The following TSPAN12 variants were observed in gnomAD, a reference collection of about 807,000 sequenced individuals.
The protein encoded by TSPAN12 is tetraspanin-12.
TSPAN12 carries 19 observed loss-of-function variants against 39.2 expected under a neutral mutation model. That is an observed-to-expected ratio of 0.49 (90% confidence interval 0.34 to 0.71). The LOEUF is 0.71. Ranked by LOEUF, TSPAN12 falls within the 30% of genes least tolerant of loss-of-function variation. The probability of loss-of-function intolerance (pLI) is 0.01; values close to 1 mark genes in which losing one functional copy is unlikely to be tolerated. For missense variants in TSPAN12, 314 were observed against 359.9 expected (o/e 0.87, Z 1.03); for synonymous variants, 119 against 124.8 (o/e 0.95, Z 0.31).
rs1161936482 is a variant in TSPAN12 at position 120,799,462 on chromosome 7, TTACATAATTATTTTTATAATTA to T, written c.612+7065_612+7086del. Among the ~76,000 whole-genome samples, 240 of 134,678 alleles carry T rather than the reference TTACATAATTATTTTTATAATTA, an allele frequency of 1.8e-3. 1 individual carries two copies. The highest frequency in any genetic ancestry group is 4.7e-3 in the African/African-American group (168 of 36,084). 88.4% of individuals were successfully genotyped at this position (134,678 alleles called of 152,430 possible). On this transcript the variant is annotated intron_variant, in intron 7 of 7. Coordinates refer to ENST00000222747, the MANE Select transcript of TSPAN12 (RefSeq NM_012338.4). ...ATAATTTAATTTATATATAATTTAA[TTACATAATTATTTTTATAATTA>T]TATATAATTATTTTTAATTAATTAA...
At chr7:120,852,903 A>G (rs1187951752) in intron 2 of TSPAN12, among the ~76,000 whole-genome samples, 1 of 152,192 alleles carries the variant, frequency 6.6e-6, no homozygotes, top group Non-Finnish European at 1.5e-5. Flanking sequence ...TTATGGGTCT[A>G]TTATGAGAAC....
chr7:120,834,313 C>A (rs1350963132), intron 4 of TSPAN12, among the ~76,000 whole-genome samples: 2 of 152,042 alleles, frequency 1.3e-5, no homozygotes, highest in East Asian at 3.9e-4. Flanking sequence ...TATTTGGGAA[C>A]CTTAAATTAG....
rs1281771270 is a variant in TSPAN12, at chr7:120,857,881, G to C, written c.-132C>G. On this transcript the variant is annotated 5_prime_UTR_variant, in exon 1 of 8. Coordinates refer to ENST00000222747, the MANE Select transcript of TSPAN12 (RefSeq NM_012338.4). ...GGATAGTCGGGGACGCACGGCGGGGGCTCATCGGGGCAGGGAACTTCTTCG... is the reference window on the plus strand; with the variant it reads ...GGATAGTCGGGGACGCACGGCGGGGCCTCATCGGGGCAGGGAACTTCTTCG... The C allele has an allele frequency of 6.6e-6, 1 of 152,330 alleles. No homozygotes were observed. Among genetic ancestry groups the C allele is most frequent in the African/African-American group, 2.4e-5 (1 of 41,446 alleles). 9.4% of individuals were successfully genotyped at this position (152,330 alleles called of 1,614,324 possible). A position where few individuals can be genotyped will look rare whatever the true frequency, so the allele number is the denominator to read the frequency against.
chr7:120,846,250 T>G (rs1401143071), intron 2 of TSPAN12, among the ~76,000 whole-genome samples: 1 of 152,222 alleles, frequency 6.6e-6, no homozygotes, highest in Non-Finnish European at 1.5e-5. Context: ...AACATGAGAT[T>G]TGGCAGGGAC....
At chr7:120,836,907 A>C (rs944799940) in intron 4 of TSPAN12, among the ~76,000 whole-genome samples, 14 of 152,314 alleles carry the variant, frequency 9.2e-5, no homozygotes, top group Non-Finnish European at 1.6e-4. Flanking sequence ...TGTGTTTCCA[A>C]AGCCTTTGTG....
intron 7 of TSPAN12, among the ~76,000 whole-genome samples, chr7:120,791,858 C>G (rs962306685): frequency 6.6e-6 from 1 of 152,082 alleles, no homozygotes; most frequent in Non-Finnish European, 1.5e-5. Flanking sequence ...CCTTGGAAGT[C>G]ATGAATTCAA....
intron 2 of TSPAN12, among the ~76,000 whole-genome samples, chr7:120,850,823 A>C (rs901567016): frequency 6.6e-6 from 1 of 151,584 alleles, no homozygotes; most frequent in African/African-American, 2.4e-5. Flanking sequence ...CCCAGTAGCT[A>C]GGATTACAGA....
At position 120,856,917 on chromosome 7, in the gene TSPAN12, C is replaced by T. The variant is rs116491151; in HGVS notation, c.-70-84G>A. On this transcript the variant is annotated intron_variant, in intron 1 of 7. Transcript: ENST00000222747. Reference sequence around the variant, plus strand: ...TGCCCGTCCCTCCTCCACCCGCCCTCAGCAGGGTCCAGAGGGTCCCGAGGC... The same window carrying T: ...TGCCCGTCCCTCCTCCACCCGCCCTTAGCAGGGTCCAGAGGGTCCCGAGGC... 6,286 of 779,682 alleles carry T rather than the reference C, an allele frequency of 8.1e-3. 282 individuals carry two copies. The African/African-American group carries it at 0.095, about 12-fold the overall frequency. 48.3% of individuals were successfully genotyped at this position (779,682 alleles called of 1,614,324 possible).
intron 4 of TSPAN12, among the ~76,000 whole-genome samples, chr7:120,833,669 G>A (rs533637414): frequency 2.8e-4 from 43 of 152,258 alleles, no homozygotes; most frequent in African/African-American, 7.7e-4. Flanking sequence ...GCACTTGACT[G>A]CTTGTGGTTT....
intron 2 of TSPAN12, among the ~76,000 whole-genome samples, chr7:120,851,387 T>C (rs1024313745): frequency 3.3e-5 from 5 of 152,202 alleles, no homozygotes; most frequent in Admixed American, 2.6e-4. Context: ...TCAGGGTAGT[T>C]CTTCTCTATT....
intron 3 of TSPAN12, 132 bp from the exon 4 acceptor site, chr7:120,839,044 G>T: frequency 1.1e-6 from 1 of 928,976 alleles, no homozygotes; most frequent in Non-Finnish European, 1.7e-6. Flanking sequence ...TGACTGCATT[G>T]TTATTTTCAA....
intron 7 of TSPAN12, among the ~76,000 whole-genome samples, chr7:120,798,715 C>T (rs1257312930): frequency 6.6e-6 from 1 of 152,136 alleles, no homozygotes; most frequent in Non-Finnish European, 1.5e-5. Context: ...TCCCTGCCTT[C>T]GGTATCCCTG....
At chr7:120,857,745 C>G (rs1203372605) in intron 1 of TSPAN12, 75 bp downstream of exon 1, 1 of 152,098 alleles carries the variant, frequency 6.6e-6, no homozygotes, top group Admixed American at 6.5e-5. Context: ...TAGTTTAGCA[C>G]ACAGCGCGGA....
At chr7:120,849,068 T>C (rs1209389401) in intron 2 of TSPAN12, among the ~76,000 whole-genome samples, 1 of 152,198 alleles carries the variant, frequency 6.6e-6, no homozygotes, top group Non-Finnish European at 1.5e-5. Context: ...ATTAGGAACA[T>C]TATAGTTATC....
At chr7:120,822,420 T>C (rs974904339) in intron 4 of TSPAN12, among the ~76,000 whole-genome samples, 1 of 151,428 alleles carries the variant, frequency 6.6e-6, no homozygotes, top group Non-Finnish European at 1.5e-5. Context: ...ACTAAAACAA[T>C]AGTAAAGGGA....
intron 7 of TSPAN12, among the ~76,000 whole-genome samples, chr7:120,789,734 A>G (rs889444128): frequency 3.9e-5 from 6 of 152,186 alleles, no homozygotes; most frequent in Admixed American, 3.9e-4. Context: ...GCAGCTCCAA[A>G]ATCATTAATA....
At chr7:120,812,680 T>G (rs150752313) in intron 5 of TSPAN12, among the ~76,000 whole-genome samples, 228 of 152,254 alleles carry the variant, frequency 1.5e-3, no homozygotes, top group African/African-American at 4.9e-3. Flanking sequence ...GCTAAACGGG[T>G]GTACTTTGTG....
chr7:120,806,507 G>T (rs759763893), intron 7 of TSPAN12, 42 bp downstream of exon 7: 8 of 1,604,754 alleles, frequency 5.0e-6, no homozygotes, highest in Non-Finnish European at 5.1e-6. Context: ...TTATTCCTAA[G>T]AAAACATTTA....
intron 7 of TSPAN12, among the ~76,000 whole-genome samples, chr7:120,793,311 G>T (rs1245543437): frequency 6.6e-6 from 1 of 152,190 alleles, no homozygotes; most frequent in Non-Finnish European, 1.5e-5. Flanking sequence ...AATGACTTTG[G>T]ATTCCAATGA....
Sources: allele counts gnomAD v4.1 joint callset (sites outside exome capture counted in the v4.1 genomes callset), GRCh38; gene constraint gnomAD v4.1.1; transcripts MANE v1.5; gene names NCBI Gene and HGNC (gene_info 2026-07-23, HGNC 2026-07-21).